The following SNTG2 variants were observed in gnomAD, a reference collection of about 807,000 sequenced individuals.
SNTG2 encodes the protein gamma-2-syntrophin.
SNTG2 carries 74 observed loss-of-function variants against 70.9 expected under a neutral mutation model. The ratio of observed to expected loss-of-function variants is 1.04; its 90% CI spans 0.86 to 1.27. The LOEUF (loss-of-function observed/expected upper bound fraction) is 1.27. Ranked by LOEUF, SNTG2 falls within the 50% of genes most tolerant of loss-of-function variation. SNTG2 has a pLI of 0.00. For synonymous variants in SNTG2, 278 were observed against 273.8 expected, an observed-to-expected ratio of 1.02 and a Z score of -0.15; for missense variants, 717 against 690.7, an observed-to-expected ratio of 1.04 and a Z score of -0.43.
rs571458885 is a variant in SNTG2, at chr2:1,091,718, G to A, written c.211-6478G>A. 1.2e-4 allele frequency among the ~76,000 whole-genome samples: 18 copies of A among 152,254 alleles called. No homozygotes were observed. In the South Asian group the frequency reaches 3.7e-3, roughly 32 times the overall value. On this transcript the variant is annotated intron_variant, in intron 2 of 16. Transcript: ENST00000308624. Reference sequence around the variant, plus strand: ...CTCCTCAAGAAGGTGGAATACTATGGAATCATTGAATTTTTAAAATTTAGG... The same window carrying A: ...CTCCTCAAGAAGGTGGAATACTATGAAATCATTGAATTTTTAAAATTTAGG...
chr2:1,160,726 A>C (rs1670214417), intron 6 of SNTG2: 1 of 152,432 alleles, frequency 6.6e-6, no homozygotes, highest in Admixed American at 6.5e-5. Flanking sequence ...TGATGGGATC[A>C]GTGCCTGCAA....
intron 1 of SNTG2, among the ~76,000 whole-genome samples, chr2:956,233 A>T (rs867848930): frequency 0.17 from 2,158 of 12,864 alleles, 128 homozygotes; most frequent in African/African-American, 0.36. Context: ...CCCCTGCCCC[A>T]CCCCTGCCCC....
At chr2:1,157,496 GA>G (rs2147830309) in intron 6 of SNTG2, among the ~76,000 whole-genome samples, 1 of 152,312 alleles carries the variant, frequency 6.6e-6, no homozygotes, top group East Asian at 1.9e-4. Flanking sequence ...TTCACACTTA[GA>G]AAAAGTCCAG....
chr2:1,335,059 T>C (rs1659730809), intron 16 of SNTG2, among the ~76,000 whole-genome samples: 1 of 152,218 alleles, frequency 6.6e-6, no homozygotes, highest in African/African-American at 2.4e-5. Context: ...ATCCCACTAA[T>C]TGCCCTTTTC....
intron 11 of SNTG2, among the ~76,000 whole-genome samples, chr2:1,241,632 C>T (rs1296293639): frequency 6.6e-6 from 1 of 152,126 alleles, no homozygotes; most frequent in Non-Finnish European, 1.5e-5. Flanking sequence ...CTCCCCACCC[C>T]TTAATCCTCC....
intron 14 of SNTG2, among the ~76,000 whole-genome samples, chr2:1,271,520 C>T (rs915046199): frequency 5.9e-5 from 9 of 151,980 alleles, no homozygotes; most frequent in Admixed American, 1.3e-4. Flanking sequence ...AGATAGGATG[C>T]CTTTGGCTAC....
At position 968,488 on chromosome 2, in the gene SNTG2, G is replaced by C. The variant is rs189568305; in HGVS notation, c.72+17420G>C. Among the ~76,000 whole-genome samples, 584 of 151,812 alleles carry C rather than the reference G, an allele frequency of 3.8e-3. 7 individuals are homozygous for C. Among genetic ancestry groups the C allele is most frequent in the African/African-American group, 0.012 (515 of 41,388 alleles). On this transcript the variant is annotated intron_variant, in intron 1 of 16. Transcript: ENST00000308624. ...CTTTTTGAAGTTCATTGATTTTTGTGCTTATTATTTTCTCAGTGCTTGCTT... is the reference window on the plus strand; with the variant it reads ...CTTTTTGAAGTTCATTGATTTTTGTCCTTATTATTTTCTCAGTGCTTGCTT...
chr2:1,093,400 G>T (rs188943858), intron 2 of SNTG2, among the ~76,000 whole-genome samples: 1 of 152,196 alleles, frequency 6.6e-6, no homozygotes, highest in Non-Finnish European at 1.5e-5. Flanking sequence ...TAATTAGGAT[G>T]CAGGAGGCAG....
At chr2:980,909 C>T (rs981298776) in intron 1 of SNTG2, among the ~76,000 whole-genome samples, 2 of 152,204 alleles carry the variant, frequency 1.3e-5, no homozygotes, top group South Asian at 2.1e-4. Flanking sequence ...TAAATTCTGA[C>T]TTCTTAATCA....
intron 16 of SNTG2, among the ~76,000 whole-genome samples, chr2:1,364,291 A>G (rs1162824877): frequency 6.6e-6 from 1 of 150,652 alleles, no homozygotes; most frequent in Non-Finnish European, 1.5e-5. Context: ...CATTGCTAGT[A>G]CTTTCAAAGA....
At chr2:1,156,062 A>T (rs1335946118) in intron 6 of SNTG2, among the ~76,000 whole-genome samples, 1 of 152,166 alleles carries the variant, frequency 6.6e-6, no homozygotes, top group Non-Finnish European at 1.5e-5. Context: ...GGGTAGATGG[A>T]GCACAAACAA....
rs538292458 is a variant in SNTG2, at chr2:1,097,480, T to C, written c.211-716T>C. On this transcript the variant is annotated intron_variant, in intron 2 of 16. Transcript: ENST00000308624. This position sits in a 1 kb window ranked among gnomAD's most constrained non-coding sequence, Gnocchi z 4.1. ...CACTGTCCGTCTACCCCAGGCTGCCTCTGTGCGCCCCCTCAGAGCAGCACC... is the reference window on the plus strand; with the variant it reads ...CACTGTCCGTCTACCCCAGGCTGCCCCTGTGCGCCCCCTCAGAGCAGCACC... Among the ~76,000 whole-genome samples the C allele has an allele frequency of 1.9e-3, 286 of 152,302 alleles. No individual in the cohort carries two copies. Among genetic ancestry groups the C allele is most frequent in the African/African-American group, 6.6e-3 (276 of 41,566 alleles).
At chr2:1,020,391 A>G (rs558496374) in intron 1 of SNTG2, among the ~76,000 whole-genome samples, 1 of 152,268 alleles carries the variant, frequency 6.6e-6, no homozygotes, top group East Asian at 1.9e-4. Flanking sequence ...TGAGGGAACC[A>G]CTTACAACCA....
At chr2:1,277,585 T>G (rs1303331769) in intron 14 of SNTG2, among the ~76,000 whole-genome samples, 1 of 152,212 alleles carries the variant, frequency 6.6e-6, no homozygotes, top group African/African-American at 2.4e-5. Context: ...ACTTTTTGCT[T>G]TATTGTGACA....
chr2:994,921 G>T (rs1397552883), intron 1 of SNTG2, among the ~76,000 whole-genome samples: 1 of 150,680 alleles, frequency 6.6e-6, no homozygotes, highest in East Asian at 1.9e-4. Context: ...CTCGTATCCT[G>T]CCACATTGCC....
chr2:1,041,584 G>T (rs535436111), intron 1 of SNTG2, among the ~76,000 whole-genome samples: 10 of 152,282 alleles, frequency 6.6e-5, no homozygotes, highest in African/African-American at 2.4e-4. Context: ...CCTCCTGGTA[G>T]TGAGTGAGTT....
chr2:1,239,115 G>A (rs1018906519), intron 10 of SNTG2, among the ~76,000 whole-genome samples: 5 of 152,270 alleles, frequency 3.3e-5, no homozygotes. Context: ...AAAGGATGGT[G>A]CTTGACTTAT....
At chr2:1,092,537 C>A (rs1189136965) in intron 2 of SNTG2, among the ~76,000 whole-genome samples, 1 of 152,202 alleles carries the variant, frequency 6.6e-6, no homozygotes, top group Non-Finnish European at 1.5e-5. Context: ...TTTCTGGAAA[C>A]TGCAGTATTA....
intron 1 of SNTG2, among the ~76,000 whole-genome samples, chr2:962,889 A>G (rs1036501920): frequency 3.3e-5 from 5 of 152,202 alleles, no homozygotes; most frequent in African/African-American, 9.6e-5. Context: ...AAATTAGAGA[A>G]TGAGCGTGCT....
Sources: gnomAD v4.1 joint callset for allele counts (sites outside exome capture counted in the v4.1 genomes callset) on GRCh38, gnomAD v4.1.1 for gene constraint, Gnocchi (gnomAD v3.1) non-coding constraint, MANE v1.5 for transcripts, NCBI Gene and HGNC (gene_info 2026-07-23, HGNC 2026-07-21) for gene names.